Variants in EXOC2 observed in about 807,000 individuals in gnomAD.
EXOC2 encodes exocyst complex component 2, also known as SEC5-like 1.
In EXOC2, 70 loss-of-function variants were observed where a neutral mutation model predicts 131.8. The ratio of observed to expected loss-of-function variants is 0.53; its 90% confidence interval spans 0.44 to 0.65. EXOC2 has a LOEUF of 0.65. Among genes scored for constraint, EXOC2 ranks in the 30% least tolerant of loss-of-function variants. EXOC2 has a pLI of 0.00. For missense variants in EXOC2, 923 were observed against 1,108.6 expected, an observed-to-expected ratio of 0.83 and a Z score of 2.38; for synonymous variants, 411 against 398.4, an observed-to-expected ratio of 1.03 and a Z score of -0.38.
chr6:502,084 C>T (rs1388651086), intron 23 of EXOC2, among the ~76,000 whole-genome samples: 1 of 152,136 alleles, frequency 6.6e-6, no homozygotes, highest in Non-Finnish European at 1.5e-5. Context: ...GGCGGAGATC[C>T]ACATGCTCAG....
chr6:678,720 T>C (rs1010170885), intron 1 of EXOC2, among the ~76,000 whole-genome samples: 5 of 152,204 alleles, frequency 3.3e-5, no homozygotes, highest in African/African-American at 4.8e-5. Flanking sequence ...CAGGGGGAAG[T>C]GCTTCTTTAA....
chr6:592,300 C>T (rs1019227463), intron 11 of EXOC2, among the ~76,000 whole-genome samples, 169 bp downstream of exon 11: 39 of 151,994 alleles, frequency 2.6e-4, no homozygotes, highest in African/African-American at 9.2e-4. Context: ...TGTCCCTTTT[C>T]ATTAGTACAA....
At chr6:494,113 C>T (rs1763587972) in intron 25 of EXOC2, among the ~76,000 whole-genome samples, 1 of 152,190 alleles carries the variant, frequency 6.6e-6, no homozygotes, top group Non-Finnish European at 1.5e-5. Context: ...GACCTTTCAA[C>T]TTAAACGATA....
At chr6:553,499 G>C (rs140459284) in intron 21 of EXOC2, among the ~76,000 whole-genome samples, 1 of 151,946 alleles carries the variant, frequency 6.6e-6, no homozygotes, top group Non-Finnish European at 1.5e-5. Flanking sequence ...TACTCTGGTT[G>C]AAGAGGCAGG....
At chr6:626,252 G>T (rs1485984501) in intron 4 of EXOC2, among the ~76,000 whole-genome samples, 2 of 152,132 alleles carry the variant, frequency 1.3e-5, no homozygotes, top group East Asian at 3.9e-4. Flanking sequence ...AAAAATTTAG[G>T]AATATGAAGG....
At chr6:659,519 G>T (rs2127756966) in intron 1 of EXOC2, among the ~76,000 whole-genome samples, 2 of 152,344 alleles carry the variant, frequency 1.3e-5, no homozygotes, top group East Asian at 3.9e-4. Flanking sequence ...GGACCTGGGA[G>T]ACACTCCAAA....
intron 10 of EXOC2, among the ~76,000 whole-genome samples, chr6:592,875 C>T (rs1241006264): frequency 6.6e-6 from 1 of 151,802 alleles, no homozygotes; most frequent in Non-Finnish European, 1.5e-5. Flanking sequence ...AAAAAAAATA[C>T]AAAAATTAGC....
intron 23 of EXOC2, among the ~76,000 whole-genome samples, chr6:505,889 G>A (rs1240932023): frequency 6.6e-6 from 1 of 152,200 alleles, no homozygotes; most frequent in Non-Finnish European, 1.5e-5. Context: ...TCACTACTAA[G>A]TTCTGAAGAC....
intron 23 of EXOC2, among the ~76,000 whole-genome samples, chr6:514,797 C>G (rs1443346132): frequency 2.6e-5 from 4 of 152,314 alleles, no homozygotes; most frequent in Admixed American, 2.6e-4. Context: ...AACCAGCAGG[C>G]AGGCCCTGGG....
intron 23 of EXOC2, among the ~76,000 whole-genome samples, chr6:516,987 G>C (rs1246433989): frequency 1.3e-5 from 2 of 152,136 alleles, no homozygotes; most frequent in African/African-American, 4.8e-5. Context: ...GGTCCAGCTG[G>C]CAATGACCTG....
chr6:580,107 T>A lies in EXOC2; in HGVS notation c.1193-3225A>T, dbSNP rs574711079. 1.2e-4 allele frequency among the ~76,000 whole-genome samples: 18 copies of A among 150,594 alleles called. No homozygotes were observed. In the East Asian group the frequency reaches 3.4e-3, roughly 28 times the overall value. ...CCCAAGCTGGAGCCCAGTGGCACAA[T>A]CTTGGCTCACTGCAACCTCCAACTC... is the stretch of plus-strand genomic sequence containing the variant. On this transcript the variant is annotated intron_variant, in intron 11 of 27. Coordinates refer to ENST00000230449, the MANE Select transcript of EXOC2 (RefSeq NM_018303.6).
At chr6:633,850 C>G (rs138603032) in intron 2 of EXOC2, among the ~76,000 whole-genome samples, 1 of 152,126 alleles carries the variant, frequency 6.6e-6, no homozygotes, top group Non-Finnish European at 1.5e-5. Context: ...CCATGTAAAA[C>G]AAAATTTAGG....
At chr6:493,426 A>C (rs928090159) in intron 25 of EXOC2, among the ~76,000 whole-genome samples, 1 of 152,246 alleles carries the variant, frequency 6.6e-6, no homozygotes, top group Non-Finnish European at 1.5e-5. Context: ...TTTAGGAGAA[A>C]GATTAAATTA....
chr6:512,463 T>C (rs1468370955), intron 23 of EXOC2, among the ~76,000 whole-genome samples: 1 of 152,226 alleles, frequency 6.6e-6, no homozygotes, highest in Non-Finnish European at 1.5e-5. Context: ...TAGCTTACTT[T>C]AAGAATACAG....
intron 4 of EXOC2, among the ~76,000 whole-genome samples, chr6:622,233 G>A (rs1436931164): frequency 2.6e-5 from 4 of 152,146 alleles, no homozygotes; most frequent in Non-Finnish European, 5.9e-5. Flanking sequence ...CTTGGTCAGA[G>A]AGTTAAATGG....
chr6:654,837 A>AAAAG (rs1762996645), intron 1 of EXOC2, among the ~76,000 whole-genome samples: 2 of 141,140 alleles, frequency 1.4e-5, no homozygotes, highest in Non-Finnish European at 3.1e-5. Flanking sequence ...AAAAAAAAAA[A>AAAAG]GTAGAGCCTT....
intron 1 of EXOC2, among the ~76,000 whole-genome samples, chr6:680,542 T>C (rs994960363): frequency 2.0e-5 from 3 of 152,136 alleles, no homozygotes; most frequent in African/African-American, 7.2e-5. Flanking sequence ...TTTAGAAACG[T>C]AGGTAGGCCT....
At chr6:622,497 T>C (rs1581575963) in intron 4 of EXOC2, among the ~76,000 whole-genome samples, 1 of 152,276 alleles carries the variant, frequency 6.6e-6, no homozygotes, top group Non-Finnish European at 1.5e-5. Flanking sequence ...TGAACGGCAG[T>C]TGCTAGCGTT....
chr6:488,796 G>A (rs1763249298), intron 27 of EXOC2, among the ~76,000 whole-genome samples, 183 bp downstream of exon 27: 1 of 152,188 alleles, frequency 6.6e-6, no homozygotes, highest in South Asian at 2.1e-4. Flanking sequence ...CAGAAGACAT[G>A]CAAGTTACAG....
Sources: allele counts gnomAD v4.1 joint callset (sites outside exome capture counted in the v4.1 genomes callset), GRCh38; gene constraint gnomAD v4.1.1; transcripts MANE v1.5; gene names NCBI Gene and HGNC (gene_info 2026-07-23, HGNC 2026-07-21).